The following GUCY1B1 variants were observed in gnomAD, a reference collection of about 807,000 sequenced individuals.
The protein encoded by GUCY1B1 is guanylate cyclase 1 soluble subunit beta 1, also known as guanylate cyclase soluble subunit beta-1.
Under a neutral mutation model 71.0 loss-of-function variants are expected in GUCY1B1, and 43 were observed. That is an observed-to-expected ratio of 0.61 (90% confidence interval 0.47 to 0.78). The LOEUF (loss-of-function observed/expected upper bound fraction) is 0.78, where lower values mean the gene tolerates loss of function less well. Ranked by LOEUF, GUCY1B1 falls within the 30% of genes least tolerant of loss-of-function variation. The pLI is 0.00. For missense variants in GUCY1B1, 535 were observed against 754.1 expected, an observed-to-expected ratio of 0.71 and a Z score of 3.40; for synonymous variants, 266 against 259.7, an observed-to-expected ratio of 1.02 and a Z score of -0.23.
chr4:155,786,466 T>C (rs1476044397), intron 4 of GUCY1B1, among the ~76,000 whole-genome samples: 17 of 103,332 alleles, frequency 1.6e-4, no homozygotes, highest in South Asian at 8.0e-4. Flanking sequence ...TCTTTCTTTT[T>C]TTTTTTTTTT....
At chr4:155,774,337 G>T (rs1173484103) in intron 2 of GUCY1B1, among the ~76,000 whole-genome samples, 1 of 151,962 alleles carries the variant, frequency 6.6e-6, no homozygotes, top group Non-Finnish European at 1.5e-5. Context: ...TCTTCCCTCT[G>T]CCCAGAACAC....
intron 2 of GUCY1B1, among the ~76,000 whole-genome samples, chr4:155,765,919 G>A (rs1212224865): frequency 6.6e-6 from 1 of 152,090 alleles, no homozygotes; most frequent in Non-Finnish European, 1.5e-5. Flanking sequence ...CTTCTTAAGG[G>A]AACCTTCTCT....
chr4:155,783,644 A>C (rs1369374829), intron 4 of GUCY1B1, among the ~76,000 whole-genome samples: 1 of 152,154 alleles, frequency 6.6e-6, no homozygotes, highest in East Asian at 1.9e-4. Context: ...TTGACTTATT[A>C]AATACAACAT....
At position 155,806,719 on chromosome 4, in the gene GUCY1B1, A is replaced by G. The variant is rs895580014; in HGVS notation, c.*310A>G. ...GTGATCTGCAAGTAGTAGGCACCCA[A>G]TAAATATTTGTTGAATTTAGTTAAA... On this transcript the variant is annotated 3_prime_UTR_variant, in exon 14 of 14. Transcript: ENST00000264424. 3.8e-5 allele frequency: 12 copies of G among 313,848 alleles called. No homozygotes were observed. Among genetic ancestry groups the G allele is most frequent in the Non-Finnish European group, 7.0e-5 (12 of 171,882 alleles). The allele number at this position is 313,848 out of a possible 1,614,324, so 19.4% of individuals were successfully genotyped here.
At chr4:155,781,883 AAG>A (rs1015656118) in intron 4 of GUCY1B1, among the ~76,000 whole-genome samples, 3 of 152,050 alleles carry the variant, frequency 2.0e-5, no homozygotes, top group African/African-American at 7.2e-5. Flanking sequence ...AAAAGAGAAA[AAG>A]AAGACATTTT....
rs181982638 is a variant in GUCY1B1, at chr4:155,805,387, C to A, written c.1836+158C>A. 1.7e-3 allele frequency among the ~76,000 whole-genome samples: 259 copies of A among 152,212 alleles called. 3 individuals are homozygous for A. Among genetic ancestry groups the A allele is most frequent in the Admixed American group, 0.012 (183 of 15,272 alleles). ...GTGGAAATAATTGAACATTAATGAGCCAATTACAATCATAAGTACTTTTTA... is the reference window on the plus strand; with the variant it reads ...GTGGAAATAATTGAACATTAATGAGACAATTACAATCATAAGTACTTTTTA... On this transcript the variant is annotated intron_variant, in intron 13 of 13. Coordinates refer to ENST00000264424, the MANE Select transcript of GUCY1B1 (RefSeq NM_000857.5).
At chr4:155,773,555 T>C (rs910692462) in intron 2 of GUCY1B1, among the ~76,000 whole-genome samples, 1 of 152,218 alleles carries the variant, frequency 6.6e-6, no homozygotes, top group Non-Finnish European at 1.5e-5. Flanking sequence ...CATCTCAAAC[T>C]TAATATGTTG....
Position 155,761,348 on chromosome 4 carries a change from C to CTATA in GUCY1B1, c.77+1500_77+1503dup, listed in dbSNP as rs113451558. ...CACTTCCTTTGTAAATTTATAAATGCTATATATATATATATTCTCCATATG... is the reference window on the plus strand; with the variant it reads ...CACTTCCTTTGTAAATTTATAAATGCTATATATATATATATATATTCTCCATATG... On this transcript the variant is annotated intron_variant, in intron 2 of 13. Transcript: ENST00000264424. Among the ~76,000 whole-genome samples the CTATA allele has an allele frequency of 7.0e-4, 105 of 150,672 alleles. 1 individual carries two copies. The Middle Eastern group carries it at 0.017, about 25-fold the overall frequency.
At chr4:155,798,754 G>C (rs1739738115) in intron 8 of GUCY1B1, among the ~76,000 whole-genome samples, 1 of 152,030 alleles carries the variant, frequency 6.6e-6, no homozygotes, top group Admixed American at 6.6e-5. Flanking sequence ...ATTATTCAGA[G>C]TGGCCAGAAG....
In GUCY1B1 at chr4:155,793,951, A is replaced by G. The variant is rs1175935780; in HGVS notation, c.591A>G (p.Arg197=). 6.2e-7 allele frequency: 1 copy of G among 1,601,030 alleles called. No individual in the cohort carries two copies. Among genetic ancestry groups the G allele is most frequent in the Non-Finnish European group, 8.6e-7 (1 of 1,168,218 alleles). ...AGGATTTTTATGAAGATCTTGACAG[A>G]TTTGAAGAAAATGGTACCCAGGAAT... ...KEEDFYEDLD[R]FEENGTQESR... Residue 197 remains arginine, a synonymous_variant, in exon 6 of 14, where the codon AGA becomes AGG. Transcript: ENST00000264424.
intron 2 of GUCY1B1, among the ~76,000 whole-genome samples, chr4:155,766,786 G>A (rs934810802): frequency 6.6e-6 from 1 of 152,140 alleles, no homozygotes; most frequent in East Asian, 1.9e-4. Flanking sequence ...GGGATGTGTG[G>A]TGCTGTTTAA....
chr4:155,803,508 G>C (rs1042367741), intron 10 of GUCY1B1, 116 bp from the exon 11 acceptor site: 6 of 566,954 alleles, frequency 1.1e-5, no homozygotes, highest in Non-Finnish European at 1.4e-5. Flanking sequence ...AGAATTAAAG[G>C]GGGAGGGAAG....
chr4:155,789,724 C>G lies in GUCY1B1; in HGVS notation c.308C>G (p.Ala103Gly). ...TCTTCTTTGCTGCAGAACCTTGATGCTCTGCACGACCACCTTGCTACCATC... is the reference window on the plus strand; with the variant it reads ...TCTTCTTTGCTGCAGAACCTTGATGGTCTGCACGACCACCTTGCTACCATC... Reference protein sequence around the residue: ...NVREFLQNLDALHDHLATIYP... With the variant: ...NVREFLQNLDGLHDHLATIYP... The change falls in exon 5 of 14, where the codon GCT becomes GGT. Residue 103 changes from alanine (A) to glycine (G), a missense_variant. Transcript: ENST00000264424. 1 of 1,589,492 alleles carries G rather than the reference C, an allele frequency of 6.3e-7. No individual in the cohort carries two copies. The highest frequency in any genetic ancestry group is 1.1e-5 in the South Asian group (1 of 88,926).
chr4:155,802,554 C>A lies in GUCY1B1; in HGVS notation c.1388C>A (p.Ser463Tyr). The change falls in exon 10 of 14, where the codon TCC becomes TAC. Residue 463 changes from serine to tyrosine, a missense_variant. Coordinates refer to ENST00000264424, the MANE Select transcript of GUCY1B1 (RefSeq NM_000857.5). This position sits in a 1 kb window ranked among gnomAD's most constrained non-coding sequence, Gnocchi z 4.3. ...LYTRFDTLTD[S>Y]RKNPFVYKVE... ...ACCAGATTTGACACACTGACTGATTCCCGGAAAAACCCATTTGTTTATAAG... is the reference window on the plus strand; with the variant it reads ...ACCAGATTTGACACACTGACTGATTACCGGAAAAACCCATTTGTTTATAAG... 6.2e-7 allele frequency: 1 copy of A among 1,605,392 alleles called. No homozygotes were observed. Among genetic ancestry groups the A allele is most frequent in the South Asian group, 1.1e-5 (1 of 89,164 alleles).
intron 2 of GUCY1B1, among the ~76,000 whole-genome samples, chr4:155,765,258 A>G (rs1319051396): frequency 6.6e-6 from 1 of 152,124 alleles, no homozygotes; most frequent in Non-Finnish European, 1.5e-5. Context: ...GTTTCTCTTT[A>G]ATGTGTTGGA....
intron 2 of GUCY1B1, among the ~76,000 whole-genome samples, chr4:155,774,021 C>T (rs953425517): frequency 6.6e-6 from 1 of 152,142 alleles, no homozygotes; most frequent in Non-Finnish European, 1.5e-5. Context: ...TGGCAGCAGC[C>T]TCCTAACTGG....
chr4:155,780,135 A>C (rs1738311178), intron 4 of GUCY1B1, among the ~76,000 whole-genome samples: 1 of 152,138 alleles, frequency 6.6e-6, no homozygotes, highest in African/African-American at 2.4e-5. Flanking sequence ...TAAACTCTGG[A>C]GTAATTTTTT....
intron 3 of GUCY1B1, 147 bp from the exon 4 acceptor site, chr4:155,777,377 C>A (rs532678344): frequency 5.1e-5 from 31 of 607,366 alleles, no homozygotes; most frequent in Non-Finnish European, 7.3e-5. Context: ...ATTGTCCTGG[C>A]GGGATTTTTT....
chr4:155,779,939 C>G (rs1326193271), intron 4 of GUCY1B1, among the ~76,000 whole-genome samples: 1 of 152,144 alleles, frequency 6.6e-6, no homozygotes, highest in South Asian at 2.1e-4. Flanking sequence ...TTCCCAAATA[C>G]TGAGCTTTGG....
Sources: allele counts gnomAD v4.1 joint callset (sites outside exome capture counted in the v4.1 genomes callset), GRCh38; gene constraint gnomAD v4.1.1; non-coding constraint Gnocchi (gnomAD v3.1); transcripts MANE v1.5; gene names NCBI Gene and HGNC (gene_info 2026-07-23, HGNC 2026-07-21).